Variants in BUB1B observed in about 807,000 individuals in gnomAD.
BUB1B encodes the protein BUB1 mitotic checkpoint serine/threonine kinase B, also known as mitotic checkpoint serine/threonine-protein kinase BUB1 beta.
Under a neutral mutation model 137.7 loss-of-function variants are expected in BUB1B, and 86 were observed. The ratio of observed to expected loss-of-function variants is 0.62; its 90% CI spans 0.52 to 0.75. BUB1B has a LOEUF of 0.75. Ranked by LOEUF, BUB1B falls within the 30% of genes least tolerant of loss-of-function variation. The pLI is 0.00. For synonymous variants in BUB1B, 420 were observed against 417.9 expected (o/e 1.00, Z -0.06); for missense variants, 1,130 against 1,236.9 (o/e 0.91, Z 1.30).
rs1334652496 is a variant in BUB1B at position 40,161,217 on chromosome 15, C to T, written c.-4C>T. On this transcript the variant is annotated 5_prime_UTR_variant, in exon 1 of 23. The change creates a premature stop within an existing upstream ORF in the 5' untranslated region. Transcript: ENST00000287598. ...AGGACGAGGACCTGAGCCAGGAATG[C>T]AGGATGGCGGCGGTGAAGAAGGAAG... 6.8e-6 allele frequency: 11 copies of T among 1,613,120 alleles called. No homozygotes were observed. Among genetic ancestry groups the T allele is most frequent in the Non-Finnish European group, 7.6e-6 (9 of 1,179,602 alleles).
rs1657935643 is a variant in BUB1B, at chr15:40,202,393, C to G, written c.1568-12C>G. ...TACTCCTAGAGTATGTATCTAGTCT[C>G]TCTTTCTCTAGGTCCCAGTGTACCT... On this transcript the variant is annotated splice_polypyrimidine_tract_variant and intron_variant, in intron 12 of 22. Coordinates refer to ENST00000287598, the MANE Select transcript of BUB1B (RefSeq NM_001211.6). 3 of 1,596,180 alleles carry G rather than the reference C, an allele frequency of 1.9e-6. No individual in the cohort carries two copies. The highest frequency in any genetic ancestry group is 1.1e-5 in the South Asian group (1 of 90,340).
chr15:40,198,141 A>G (rs942433640), intron 9 of BUB1B, among the ~76,000 whole-genome samples: 2 of 152,142 alleles, frequency 1.3e-5, no homozygotes, highest in African/African-American at 4.8e-5. Flanking sequence ...TTTTGTTTTC[A>G]ACTAGCCAAA....
chr15:40,202,335 A>T, intron 12 of BUB1B, 70 bp from the exon 13 acceptor site: 1 of 1,300,542 alleles, frequency 7.7e-7, no homozygotes, highest in Non-Finnish European at 1.1e-6. Context: ...AATATTGATT[A>T]ATTTATCTGG....
chr15:40,212,701 T>A (rs2037729816), intron 19 of BUB1B, 53 bp downstream of exon 19: 3 of 1,540,712 alleles, frequency 1.9e-6, no homozygotes, highest in South Asian at 1.1e-5. Flanking sequence ...AGATTTGTGC[T>A]CCATTTAGCA....
rs965384892 is a variant in BUB1B, at chr15:40,162,515, C to T, written c.35+1260C>T. ...TTAAGAGGTTATTGAAATAATTCAGCTCAAAAGTGAGTTGAGCCAGGTGGA... is the reference window on the plus strand; with the variant it reads ...TTAAGAGGTTATTGAAATAATTCAGTTCAAAAGTGAGTTGAGCCAGGTGGA... On this transcript the variant is annotated intron_variant, in intron 1 of 22. Coordinates refer to ENST00000287598, the MANE Select transcript of BUB1B (RefSeq NM_001211.6). Among the ~76,000 whole-genome samples the T allele has an allele frequency of 3.3e-5, 5 of 152,238 alleles. No individual in the cohort carries two copies. The East Asian group carries it at 9.7e-4, about 29-fold the overall frequency.
At chr15:40,173,209 C>G (rs1009058041) in intron 4 of BUB1B, among the ~76,000 whole-genome samples, 2 of 150,342 alleles carry the variant, frequency 1.3e-5, no homozygotes, top group African/African-American at 4.9e-5. Context: ...CGCTTGAACC[C>G]AGGAGACAGA....
intron 1 of BUB1B, among the ~76,000 whole-genome samples, chr15:40,161,535 ACT>A (rs1258223571): frequency 6.6e-6 from 1 of 152,090 alleles, no homozygotes. Context: ...TCTGTTTGTA[ACT>A]CAGCTCAGCC....
intron 9 of BUB1B, among the ~76,000 whole-genome samples, chr15:40,198,605 G>A (rs924737147): frequency 1.3e-5 from 2 of 152,042 alleles, no homozygotes; most frequent in East Asian, 1.9e-4. Flanking sequence ...TTTTCTTTGC[G>A]TTGCACTTCC....
chr15:40,188,732 G>A (rs957761612), intron 8 of BUB1B, among the ~76,000 whole-genome samples: 26 of 151,498 alleles, frequency 1.7e-4, no homozygotes, highest in African/African-American at 6.1e-4. Context: ...ATAGACGCCC[G>A]CCACGACGCC....
chr15:40,166,970 A>T (rs2037106399), intron 2 of BUB1B, among the ~76,000 whole-genome samples: 1 of 151,984 alleles, frequency 6.6e-6, no homozygotes, highest in Admixed American at 6.6e-5. Context: ...CCAGTTTTCA[A>T]ATTGTGTTGT....
At chr15:40,200,425 C>A in intron 11 of BUB1B, 66 bp downstream of exon 11, 1 of 1,208,408 alleles carries the variant, frequency 8.3e-7, no homozygotes, top group Non-Finnish European at 1.2e-6. Context: ...CTTTGACTCT[C>A]TAGTGCCTTG....
rs149346266 is a variant in BUB1B, at chr15:40,169,794, G to C, written c.180-268G>C. Among the ~76,000 whole-genome samples, 3,271 of 151,486 alleles carry C rather than the reference G, an allele frequency of 0.022. 114 individuals are homozygous for C. The highest frequency in any genetic ancestry group is 0.076 in the African/African-American group (3,119 of 41,274). ...CACCCAGCTAATTTTTGTGTTTTTA[G>C]TAGAGATGAGGTTTCACCATGTTGC... On this transcript the variant is annotated intron_variant, in intron 2 of 22. Transcript: ENST00000287598.
chr15:40,216,586 T>A (rs528450711), intron 20 of BUB1B, among the ~76,000 whole-genome samples: 3,968 of 141,032 alleles, frequency 0.028, 156 homozygotes, highest in African/African-American at 0.082. Flanking sequence ...TTTTTTTTTT[T>A]AATTATAGTA....
intron 1 of BUB1B, among the ~76,000 whole-genome samples, chr15:40,164,368 T>G (rs1015601290): frequency 6.6e-6 from 1 of 152,018 alleles, no homozygotes. Context: ...GCCACGACCA[T>G]GGGCGTGTAC....
intron 12 of BUB1B, among the ~76,000 whole-genome samples, chr15:40,201,951 G>A (rs1265533388): frequency 2.0e-5 from 3 of 152,074 alleles, no homozygotes; most frequent in Non-Finnish European, 4.4e-5. Flanking sequence ...TTACAGGTGT[G>A]AGCCACCACA....
chr15:40,196,703 G>T lies in BUB1B; in HGVS notation c.1217G>T (p.Gly406Val). 6.2e-7 allele frequency: 1 copy of T among 1,614,070 alleles called. No individual in the cohort carries two copies. The highest frequency in any genetic ancestry group is 8.5e-7 in the Non-Finnish European group (1 of 1,179,952). Residue 406 changes from glycine to valine, a missense_variant, in exon 9 of 23, where the codon GGA (glycine) becomes GTA (valine). Gly to Val is a moderately radical substitution (Grantham distance 109). Transcript: ENST00000287598. ...MMYCKEKIYA[G>V]VGEFSFEEIR... ...TATTGTAAGGAGAAGATTTATGCAG[G>T]AGTAGGGGAATTCTCCTTTGAAGAA...
At chr15:40,215,857 A>T (rs1293833530) in intron 20 of BUB1B, among the ~76,000 whole-genome samples, 1 of 151,750 alleles carries the variant, frequency 6.6e-6, no homozygotes, top group East Asian at 1.9e-4. Flanking sequence ...AGGCAGGAGG[A>T]TCTCTTGAGG....
chr15:40,197,605 C>T (rs980091629), intron 9 of BUB1B, among the ~76,000 whole-genome samples: 1 of 152,184 alleles, frequency 6.6e-6, no homozygotes, highest in African/African-American at 2.4e-5. Context: ...TAGCTCAGCT[C>T]TCTTAACAGG....
chr15:40,209,792 T>A lies in BUB1B; in HGVS notation c.2284+17T>A, dbSNP rs13380241. 30 of 1,613,610 alleles carry A rather than the reference T, an allele frequency of 1.9e-5. No homozygotes were observed. The African/African-American group carries it at 3.7e-4, about 20-fold the overall frequency. ...TTGAATTAGGTAAGTACCATTGAAC[T>A]CATGTCCTCTGGTTCATGACAGTAT... On this transcript the variant is annotated intron_variant, in intron 17 of 22. Coordinates refer to ENST00000287598, the MANE Select transcript of BUB1B (RefSeq NM_001211.6).
Sources: gnomAD v4.1 joint callset for allele counts (sites outside exome capture counted in the v4.1 genomes callset) on GRCh38, gnomAD v4.1.1 for gene constraint, MANE v1.5 for transcripts, NCBI Gene and HGNC (gene_info 2026-07-23, HGNC 2026-07-21) for gene names.